The following IQCH variants were observed in gnomAD, a reference collection of about 807,000 sequenced individuals.
IQCH encodes IQ domain-containing protein H.
In IQCH, 98 loss-of-function variants were observed where a neutral mutation model predicts 117.0. That is an observed-to-expected ratio of 0.84 (90% CI 0.71 to 0.99). The LOEUF (loss-of-function observed/expected upper bound fraction) is 0.99. Ranked by LOEUF, IQCH falls within the 50% of genes least tolerant of loss-of-function variation. The probability of loss-of-function intolerance (pLI) is 0.00; values close to 1 mark genes in which losing one functional copy is unlikely to be tolerated. For synonymous variants in IQCH, 412 were observed against 448.2 expected (o/e 0.92, Z 1.02); for missense variants, 1,102 against 1,243.8 (o/e 0.89, Z 1.72).
In IQCH at chr15:67,403,896, C is replaced by A. The variant is rs183701740; in HGVS notation, c.2097+3591C>A. 1 of 152,314 alleles carries A rather than the reference C, an allele frequency of 6.6e-6. No individual in the cohort carries two copies. Among genetic ancestry groups the A allele is most frequent in the African/African-American group, 2.4e-5 (1 of 41,566 alleles). The allele number at this position is 152,314 out of a possible 1,614,324, so 9.4% of individuals were successfully genotyped here. A position where few individuals can be genotyped will look rare whatever the true frequency, so the allele number is the denominator to read the frequency against. The stretch of plus-strand genomic sequence containing the variant: ...GCAAGAGATCTTTGTAGAACAATTT[C>A]TGTGTGTAAAGAACTAAGCCAGTTT... On this transcript the variant is annotated intron_variant, in intron 14 of 20. Coordinates refer to ENST00000335894, the MANE Select transcript of IQCH (RefSeq NM_001031715.3). This position sits in a 1 kb window ranked among gnomAD's most constrained non-coding sequence, Gnocchi z 4.8.
rs550221627 is a variant in IQCH, at chr15:67,354,767, T to C, written c.638-2578T>C. 2.6e-5 allele frequency among the ~76,000 whole-genome samples: 4 copies of C among 152,318 alleles called. No homozygotes were observed. In the East Asian group the frequency reaches 7.7e-4, roughly 29 times the overall value. On this transcript the variant is annotated intron_variant, in intron 6 of 20. Coordinates refer to ENST00000335894, the MANE Select transcript of IQCH (RefSeq NM_001031715.3). ...ACAAGAAATTGGGAAGTGAGGAGCC[T>C]AGGGATGGTGGCATTGATCAGCAGG...
intron 3 of IQCH, among the ~76,000 whole-genome samples, chr15:67,273,946 T>C (rs1487876828): frequency 6.6e-6 from 1 of 152,240 alleles, no homozygotes; most frequent in African/African-American, 2.4e-5. Context: ...ACAGTATTCT[T>C]CGAAGGCAGC....
Position 67,406,337 on chromosome 15 carries a change from C to T in IQCH, c.2097+6032C>T, listed in dbSNP as rs949518967. 32 of 152,134 alleles carry T rather than the reference C, an allele frequency of 2.1e-4. 1 individual carries two copies. Among genetic ancestry groups the T allele is most frequent in the African/African-American group, 7.5e-4 (31 of 41,404 alleles). 9.4% of individuals were successfully genotyped at this position (152,134 alleles called of 1,614,324 possible). A position where few individuals can be genotyped will look rare whatever the true frequency, so the allele number is the denominator to read the frequency against. On this transcript the variant is annotated intron_variant, in intron 14 of 20. Coordinates refer to ENST00000335894, the MANE Select transcript of IQCH (RefSeq NM_001031715.3). The surrounding 1 kb of genome is among the most constrained non-coding windows in gnomAD (Gnocchi z 4.5). Reference sequence around the variant, plus strand: ...TGGCTTGAGGCCAGGAGTTCAAGACCAGCCTGGGCAATATAGTGAGACCCT... The same window carrying T: ...TGGCTTGAGGCCAGGAGTTCAAGACTAGCCTGGGCAATATAGTGAGACCCT...
chr15:67,361,031 A>G (rs142457732), intron 8 of IQCH, among the ~76,000 whole-genome samples: 2 of 152,254 alleles, frequency 1.3e-5, no homozygotes, highest in African/African-American at 4.8e-5. Flanking sequence ...TCCTGCATGC[A>G]TGGCACTAAG....
At chr15:67,464,670 G>T (rs2082886152) in intron 16 of IQCH, among the ~76,000 whole-genome samples, 1 of 152,088 alleles carries the variant, frequency 6.6e-6, no homozygotes, top group Admixed American at 6.5e-5. Context: ...TCCCAGAGGG[G>T]CTGTCACTGC....
chr15:67,470,714 C>A (rs113088353), intron 17 of IQCH, among the ~76,000 whole-genome samples: 2,973 of 152,240 alleles, frequency 0.02, 112 homozygotes, highest in African/African-American at 0.068. Context: ...TCATTTAATT[C>A]TTTGAAATAC....
chr15:67,476,902 A>G lies in IQCH; in HGVS notation c.2799+1084A>G, dbSNP rs188845149. The stretch of plus-strand genomic sequence containing the variant: ...TTAAATATAAGGTATATATAATGAC[A>G]TAAGAATTGAGTAGTAACCAGTTGA... On this transcript the variant is annotated intron_variant, in intron 18 of 20. Coordinates refer to ENST00000335894, the MANE Select transcript of IQCH (RefSeq NM_001031715.3). The surrounding 1 kb of genome is among the most constrained non-coding windows in gnomAD (Gnocchi z 4.1). Among the ~76,000 whole-genome samples the G allele has an allele frequency of 4.6e-5, 7 of 152,302 alleles. No homozygotes were observed. Among genetic ancestry groups the G allele is most frequent in the Non-Finnish European group, 2.9e-5 (2 of 68,036 alleles).
At chr15:67,400,010 TA>T in intron 13 of IQCH, 103 bp from the exon 14 acceptor site, 8 of 810,376 alleles carry the variant, frequency 9.9e-6, no homozygotes, top group Non-Finnish European at 1.4e-5. Flanking sequence ...AACAGACCAT[TA>T]GAAGTAAAGA....
chr15:67,415,241 T>C (rs1045847264), intron 14 of IQCH, among the ~76,000 whole-genome samples: 3 of 152,148 alleles, frequency 2.0e-5, no homozygotes, highest in Non-Finnish European at 4.4e-5. Context: ...GCACAGCGTA[T>C]AGGATATGAA....
At chr15:67,323,355 G>GC (rs1968237792) in intron 4 of IQCH, among the ~76,000 whole-genome samples, 1 of 146,440 alleles carries the variant, frequency 6.8e-6, no homozygotes, top group Non-Finnish European at 1.5e-5. Flanking sequence ...CCATTCTCCT[G>GC]CCCCAGCCTC....
At position 67,369,114 on chromosome 15, in the gene IQCH, CTAACA is replaced by C. The variant is rs1171622821; in HGVS notation, c.754-2994_754-2990del. On this transcript the variant is annotated intron_variant, in intron 8 of 20. Coordinates refer to ENST00000335894, the MANE Select transcript of IQCH (RefSeq NM_001031715.3). This position sits in a 1 kb window ranked among gnomAD's most constrained non-coding sequence, Gnocchi z 5.2. The stretch of plus-strand genomic sequence containing the variant: ...TTTTTTGCTTAACATCTGTGACTTA[CTAACA>C]TATGTAATCATCATCCTGCTTTCCT... Among the ~76,000 whole-genome samples the C allele has an allele frequency of 6.6e-6, 1 of 152,188 alleles. No individual in the cohort carries two copies. Among genetic ancestry groups the C allele is most frequent in the African/African-American group, 2.4e-5 (1 of 41,434 alleles).
intron 4 of IQCH, among the ~76,000 whole-genome samples, chr15:67,285,610 T>C (rs540616561): frequency 2.6e-4 from 40 of 152,298 alleles, no homozygotes; most frequent in Non-Finnish European, 5.4e-4. Context: ...CTTTAATCCA[T>C]CTTGAGTTAA....
At chr15:67,310,571 A>G (rs1967538347) in intron 4 of IQCH, among the ~76,000 whole-genome samples, 1 of 152,108 alleles carries the variant, frequency 6.6e-6, no homozygotes, top group African/African-American at 2.4e-5. Flanking sequence ...AAAAGCCAGG[A>G]AAGTTCTCTG....
Position 67,356,784 on chromosome 15 carries a change from T to C in IQCH, c.638-561T>C, listed in dbSNP as rs560480984. ...ATGTGATTGAGAGCATTATCTAGCA[T>C]GTGGGCCCATTCTTCCTCGACCATG... On this transcript the variant is annotated intron_variant, in intron 6 of 20. Transcript: ENST00000335894. This position sits in a 1 kb window ranked among gnomAD's most constrained non-coding sequence, Gnocchi z 5.3. Among the ~76,000 whole-genome samples, 6 of 152,210 alleles carry C rather than the reference T, an allele frequency of 3.9e-5. No individual in the cohort carries two copies. The highest frequency in any genetic ancestry group is 8.8e-5 in the Non-Finnish European group (6 of 68,038).
At chr15:67,275,381 C>G (rs1253214484) in intron 3 of IQCH, among the ~76,000 whole-genome samples, 1 of 151,950 alleles carries the variant, frequency 6.6e-6, no homozygotes, top group Non-Finnish European at 1.5e-5. Context: ...GGAGTTTTTT[C>G]CCTTCTCCAT....
intron 14 of IQCH, among the ~76,000 whole-genome samples, chr15:67,402,145 T>C (rs1470693559): frequency 1.3e-5 from 2 of 152,228 alleles, no homozygotes; most frequent in Non-Finnish European, 2.9e-5. Flanking sequence ...CCGTAGCATT[T>C]TTAATTGGCA....
Position 67,479,729 on chromosome 15 carries a change from G to T in IQCH, c.2799+3911G>T, listed in dbSNP as rs139554261. Reference sequence around the variant, plus strand: ...TTGGTTGAATTTAACATGGGTGCTCGTTCCAGAAAAAGAAAGCAACATTAA... The same window carrying T: ...TTGGTTGAATTTAACATGGGTGCTCTTTCCAGAAAAAGAAAGCAACATTAA... On this transcript the variant is annotated intron_variant, in intron 18 of 20. Transcript: ENST00000335894. The surrounding 1 kb of genome is among the most constrained non-coding windows in gnomAD (Gnocchi z 4.6). Among the ~76,000 whole-genome samples the T allele has an allele frequency of 1.3e-5, 2 of 152,160 alleles. No homozygotes were observed. The highest frequency in any genetic ancestry group is 4.8e-5 in the African/African-American group (2 of 41,446).
At chr15:67,275,223 G>A (rs1251244419) in intron 3 of IQCH, among the ~76,000 whole-genome samples, 1 of 152,208 alleles carries the variant, frequency 6.6e-6, no homozygotes, top group Non-Finnish European at 1.5e-5. Context: ...CAAGGTGATA[G>A]GGAAGCTGGT....
intron 4 of IQCH, among the ~76,000 whole-genome samples, chr15:67,317,834 T>C (rs1967922592): frequency 6.6e-6 from 1 of 152,150 alleles, no homozygotes; most frequent in African/African-American, 2.4e-5. Context: ...TCTAGTTTCA[T>C]GGGCATGGTT....
Sources: allele counts gnomAD v4.1 joint callset (sites outside exome capture counted in the v4.1 genomes callset), GRCh38; gene constraint gnomAD v4.1.1; non-coding constraint Gnocchi (gnomAD v3.1); transcripts MANE v1.5; gene names NCBI Gene and HGNC (gene_info 2026-07-23, HGNC 2026-07-21).